PCDHA10: variants seen among roughly 807,000 people sequenced by gnomAD.
PCDHA10 encodes the protein protocadherin alpha-10.
PCDHA10 carries 45 observed loss-of-function variants against 61.2 expected under a neutral mutation model. The observed-to-expected ratio is 0.74, with a 90% CI of 0.58 to 0.94. PCDHA10 has a LOEUF of 0.94. Ranked by LOEUF, PCDHA10 falls within the 40% of genes least tolerant of loss-of-function variation. PCDHA10 has a pLI of 0.00. For synonymous variants in PCDHA10, 602 were observed against 548.8 expected, an observed-to-expected ratio of 1.10 and a Z score of -1.35; for missense variants, 1,278 against 1,236.2, an observed-to-expected ratio of 1.03 and a Z score of -0.51.
intron 1 of PCDHA10, among the ~76,000 whole-genome samples, chr5:140,960,254 C>T (rs2095534958): frequency 6.6e-6 from 1 of 152,138 alleles, no homozygotes; most frequent in South Asian, 2.1e-4. Flanking sequence ...CTTCCTGGAG[C>T]TTCTGATAAA....
Position 140,857,884 on chromosome 5 carries a change from G to C in PCDHA10, c.1836G>C (p.Ser612=), listed in dbSNP as rs782097827. 60 of 1,597,656 alleles carry C rather than the reference G, an allele frequency of 3.8e-5. 6 individuals carry two copies. Among genetic ancestry groups the C allele is most frequent in the Non-Finnish European group, 5.0e-5 (58 of 1,167,502 alleles). Residue 612 remains serine (S), a synonymous_variant, in exon 1 of 4, where the codon TCG becomes TCC. Transcript: ENST00000307360. The part of the protein sequence containing the change: ...YNAWLSYELQ[S]AAVGARIPFR... ...CGTGGCTGTCGTATGAATTGCAGTC[G>C]GCGGCGGTTGGTGCACGCATCCCGT...
At chr5:140,870,590 G>A (rs1238282556) in intron 1 of PCDHA10, 3 of 1,613,446 alleles carry the variant, frequency 1.9e-6, no homozygotes, top group Non-Finnish European at 2.5e-6. Flanking sequence ...CTGGTGGAGC[G>A]GCGGTTGGGC....
intron 1 of PCDHA10, among the ~76,000 whole-genome samples, chr5:140,961,980 T>C (rs909552255): frequency 6.6e-6 from 1 of 151,768 alleles, no homozygotes; most frequent in Non-Finnish European, 1.5e-5. Context: ...GCCTCCTGGG[T>C]TCACGCCATT....
chr5:140,879,740 T>G (rs1337276853), intron 1 of PCDHA10, among the ~76,000 whole-genome samples: 1 of 152,200 alleles, frequency 6.6e-6, no homozygotes, highest in East Asian at 1.9e-4. Flanking sequence ...ATCAAGGTGT[T>G]GTCAAGGCTA....
intron 3 of PCDHA10, among the ~76,000 whole-genome samples, chr5:140,986,669 G>C (rs1448376850): frequency 6.6e-6 from 1 of 152,138 alleles, no homozygotes; most frequent in African/African-American, 2.4e-5. Flanking sequence ...ACAGTTTTCA[G>C]AAGAGTTCAG....
intron 3 of PCDHA10, among the ~76,000 whole-genome samples, chr5:140,991,900 A>G (rs137964856): frequency 9.8e-4 from 149 of 152,250 alleles, no homozygotes; most frequent in African/African-American, 3.0e-3. Context: ...TTAACACAAA[A>G]TCCCTTTTGC....
intron 1 of PCDHA10, among the ~76,000 whole-genome samples, chr5:140,943,274 A>G (rs1179008027): frequency 6.4e-5 from 9 of 141,284 alleles, no homozygotes; most frequent in Non-Finnish European, 1.0e-4. Flanking sequence ...AAAAAAAAAA[A>G]AAAGAAAGAA....
intron 1 of PCDHA10, among the ~76,000 whole-genome samples, chr5:140,948,132 C>G (rs1397250622): frequency 1.3e-5 from 2 of 151,526 alleles, no homozygotes; most frequent in African/African-American, 4.8e-5. Context: ...TTGGATTACA[C>G]TAATTGATTT....
chr5:140,987,228 TAATA>T (rs1459014222), intron 3 of PCDHA10, among the ~76,000 whole-genome samples: 2 of 149,038 alleles, frequency 1.3e-5, no homozygotes, highest in Non-Finnish European at 3.0e-5. Flanking sequence ...AAAAAAAAAA[TAATA>T]AATAAAGAAA....
intron 1 of PCDHA10, chr5:140,875,666 G>A (rs781866030): frequency 1.2e-6 from 2 of 1,613,786 alleles, no homozygotes; most frequent in East Asian, 4.5e-5. Flanking sequence ...CGCCTGTTCC[G>A]GGTGGCGTCC....
chr5:140,967,700 G>A lies in PCDHA10; in HGVS notation c.2389-11249G>A. ...GGAGAGGCAGCTCTTCAGCATAGAT[G>A]CCAGTACCGGGGAAGTGCGAGTAAT... On this transcript the variant is annotated intron_variant, in intron 1 of 3. Transcript: ENST00000307360. 4 of 1,614,196 alleles carry A rather than the reference G, an allele frequency of 2.5e-6. No homozygotes were observed. In the South Asian group the frequency reaches 4.4e-5, roughly 18 times the overall value.
At chr5:140,951,941 C>T (rs576414648) in intron 1 of PCDHA10, among the ~76,000 whole-genome samples, 8 of 152,220 alleles carry the variant, frequency 5.3e-5, no homozygotes, top group African/African-American at 1.4e-4. Flanking sequence ...AGATACAGTG[C>T]GGGTACAGGC....
chr5:140,885,792 C>T (rs2060715375), intron 1 of PCDHA10, among the ~76,000 whole-genome samples: 1 of 151,834 alleles, frequency 6.6e-6, no homozygotes, highest in Non-Finnish European at 1.5e-5. Context: ...AGCATATTGT[C>T]ATATGTATTT....
At position 140,876,392 on chromosome 5, in the gene PCDHA10, A is replaced by C. The variant is rs373053230; in HGVS notation, c.2388+17956A>C. ...ACAGGTGAAATTAGAATTTATGGTG[A>C]ACTGGATTTTGAAGAGAATAATGCC... On this transcript the variant is annotated intron_variant, in intron 1 of 3. Transcript: ENST00000307360. 1.2e-4 allele frequency: 194 copies of C among 1,613,822 alleles called. No individual in the cohort carries two copies. The highest frequency in any genetic ancestry group is 1.6e-4 in the Non-Finnish European group (184 of 1,179,914).
At chr5:140,864,237 C>G (rs2048381218) in intron 1 of PCDHA10, 2 of 152,002 alleles carry the variant, frequency 1.3e-5, no homozygotes, top group Non-Finnish European at 2.9e-5. Flanking sequence ...GTTCTTTATT[C>G]CTATTCATTT....
At chr5:141,002,759 G>A (rs1312107218) in intron 3 of PCDHA10, among the ~76,000 whole-genome samples, 1 of 152,214 alleles carries the variant, frequency 6.6e-6, no homozygotes, top group Non-Finnish European at 1.5e-5. Flanking sequence ...ACCCTGTGAT[G>A]TAGACAGGAA....
chr5:140,903,339 A>T (rs1176958912), intron 1 of PCDHA10, among the ~76,000 whole-genome samples: 1 of 152,206 alleles, frequency 6.6e-6, no homozygotes, highest in African/African-American at 2.4e-5. Context: ...GAAAGGATGC[A>T]TTTTAAAAAA....
At chr5:140,874,672 C>A (rs2055057233) in intron 1 of PCDHA10, among the ~76,000 whole-genome samples, 1 of 152,126 alleles carries the variant, frequency 6.6e-6, no homozygotes, top group South Asian at 2.1e-4. Flanking sequence ...GAATCTATTC[C>A]TGAGATTTGT....
chr5:140,928,778 C>G (rs564618368), intron 1 of PCDHA10: 3 of 1,614,136 alleles, frequency 1.9e-6, no homozygotes, highest in East Asian at 4.5e-5. Context: ...CCCACTGATG[C>G]AGTTAAGCAG....
Sources: gnomAD v4.1 joint callset for allele counts (sites outside exome capture counted in the v4.1 genomes callset) on GRCh38, gnomAD v4.1.1 for gene constraint, MANE v1.5 for transcripts, NCBI Gene and HGNC (gene_info 2026-07-23, HGNC 2026-07-21) for gene names.